ABCC1: variants seen among roughly 807,000 people sequenced by gnomAD.
ABCC1 encodes the protein ATP binding cassette subfamily C member 1 (ABCC1 blood group), also known as multidrug resistance-associated protein 1.
In ABCC1, 83 loss-of-function variants were observed where a neutral mutation model predicts 172.9. The ratio of observed to expected loss-of-function variants is 0.48; its 90% CI spans 0.40 to 0.58. The LOEUF is 0.58. Ranked by LOEUF, ABCC1 falls within the 20% of genes least tolerant of loss-of-function variation. ABCC1 has a pLI of 0.00. For missense variants in ABCC1, 1,817 were observed against 2,002.7 expected (o/e 0.91, Z 1.77); for synonymous variants, 937 against 825.2 (o/e 1.14, Z -2.32).
rs4148351 is a variant in ABCC1 at position 16,076,711 on chromosome 16, C to T, written c.1988+310C>T. Among the ~76,000 whole-genome samples, 17,142 of 152,156 alleles carry T rather than the reference C, an allele frequency of 0.11. 1,101 individuals are homozygous for T. The highest frequency in any genetic ancestry group is 0.22 in the Middle Eastern group (65 of 294). On this transcript the variant is annotated intron_variant, in intron 15 of 30. Coordinates refer to ENST00000399410, the MANE Select transcript of ABCC1 (RefSeq NM_004996.4). Reference sequence around the variant, plus strand: ...AACTGGGAAGTTCTACTTTCAGGTGCGGTGTGATCCAGGGACTCTGCCGTC... The same window carrying T: ...AACTGGGAAGTTCTACTTTCAGGTGTGGTGTGATCCAGGGACTCTGCCGTC...
intron 15 of ABCC1, 56 bp downstream of exon 15, chr16:16,076,457 T>TA: frequency 1.3e-6 from 2 of 1,500,224 alleles, no homozygotes; most frequent in Non-Finnish European, 1.8e-6. Context: ...GGGCTTTTGT[T>TA]AAACGTGGAT....
At chr16:16,037,683 G>C (rs2048809995) in intron 7 of ABCC1, among the ~76,000 whole-genome samples, 1 of 152,134 alleles carries the variant, frequency 6.6e-6, no homozygotes, top group Non-Finnish European at 1.5e-5. Context: ...TGGTGCATTG[G>C]ATTCCCCACA....
At chr16:15,998,132 G>C (rs1035180543) in intron 1 of ABCC1, among the ~76,000 whole-genome samples, 1 of 147,788 alleles carries the variant, frequency 6.8e-6, no homozygotes, top group Non-Finnish European at 1.5e-5. Context: ...CCGATACTTT[G>C]TTTCTTTGAG....
chr16:16,034,562 G>T, intron 6 of ABCC1, among the ~76,000 whole-genome samples: 1 of 144,454 alleles, frequency 6.9e-6, no homozygotes, highest in South Asian at 2.3e-4. Flanking sequence ...GTAAAGGCAT[G>T]TAGAGGCTGT....
At position 16,044,727 on chromosome 16, in the gene ABCC1, T is replaced by G. The variant is rs765691614; in HGVS notation, c.1040+47T>G. ...GTGGGCTCCATTTTCCCTCCTTGGC[T>G]TTGATCTTTCAGTTGCATCAGTCAT... On this transcript the variant is annotated intron_variant, in intron 8 of 30. Transcript: ENST00000399410. 1.9e-5 allele frequency: 29 copies of G among 1,542,948 alleles called. No homozygotes were observed. In the East Asian group the frequency reaches 5.4e-4, roughly 29 times the overall value.
intron 12 of ABCC1, among the ~76,000 whole-genome samples, chr16:16,058,692 C>A (rs1039599727): frequency 1.3e-5 from 2 of 152,060 alleles, no homozygotes; most frequent in Admixed American, 6.6e-5. Flanking sequence ...AGTCTGTCAC[C>A]CAGGTTGGAT....
At chr16:16,112,947 C>T (rs1596523155) in intron 22 of ABCC1, among the ~76,000 whole-genome samples, 1 of 152,314 alleles carries the variant, frequency 6.6e-6, no homozygotes, top group East Asian at 1.9e-4. Context: ...GATTTGGCAG[C>T]ATTGGCTCCA....
chr16:15,969,305 G>A (rs565173528), intron 1 of ABCC1, among the ~76,000 whole-genome samples: 2 of 151,754 alleles, frequency 1.3e-5, no homozygotes, highest in African/African-American at 4.8e-5. Context: ...AATTGCAGAT[G>A]AAATGTAACA....
chr16:16,103,604 G>A (rs8046950), intron 20 of ABCC1, among the ~76,000 whole-genome samples: 44,905 of 150,412 alleles, frequency 0.3, 6,868 homozygotes, highest in African/African-American at 0.4. Flanking sequence ...AAACAAAACA[G>A]CAGCAGCAGC....
intron 23 of ABCC1, 114 bp from the exon 24 acceptor site, chr16:16,121,861 A>G (rs2045172244): frequency 2.7e-6 from 3 of 1,129,716 alleles, no homozygotes; most frequent in African/African-American, 1.5e-5. Flanking sequence ...CGGCTCTAAC[A>G]TTTTGCCTCC....
At chr16:15,950,853 G>A (rs948791125) in intron 1 of ABCC1, among the ~76,000 whole-genome samples, 7 of 152,022 alleles carry the variant, frequency 4.6e-5, no homozygotes, top group African/African-American at 1.7e-4. Context: ...TGTTTTGCCG[G>A]CCTTTCCTCG....
chr16:16,060,039 C>T (rs369838184), intron 12 of ABCC1, among the ~76,000 whole-genome samples: 32 of 152,130 alleles, frequency 2.1e-4, no homozygotes, highest in Admixed American at 5.9e-4. Flanking sequence ...GCTCATGGGC[C>T]GTATGTAAAC....
intron 19 of ABCC1, among the ~76,000 whole-genome samples, chr16:16,094,890 T>C (rs1315286206): frequency 6.8e-6 from 1 of 146,628 alleles, no homozygotes; most frequent in Admixed American, 7.0e-5. Context: ...CGATCTTGGC[T>C]CACTGCAGCC....
intron 14 of ABCC1, among the ~76,000 whole-genome samples, chr16:16,072,763 C>G (rs967725487): frequency 6.6e-6 from 1 of 151,778 alleles, no homozygotes; most frequent in Non-Finnish European, 1.5e-5. Context: ...AATATTAGGC[C>G]GGGCACAGTG....
intron 1 of ABCC1, among the ~76,000 whole-genome samples, chr16:15,985,947 C>T (rs969906516): frequency 4.0e-5 from 6 of 151,876 alleles, no homozygotes; most frequent in African/African-American, 1.4e-4. Context: ...GTCCCTCCAC[C>T]CCTGCTTGTG....
chr16:15,980,203 A>G (rs1236358199), intron 1 of ABCC1, among the ~76,000 whole-genome samples: 1 of 152,138 alleles, frequency 6.6e-6, no homozygotes, highest in African/African-American at 2.4e-5. Flanking sequence ...AGTCTTTCTT[A>G]TAATATGTAT....
In ABCC1 at chr16:16,086,288, G is replaced by A. The variant is rs190142137; in HGVS notation, c.2293-536G>A. On this transcript the variant is annotated intron_variant, in intron 17 of 30. Coordinates refer to ENST00000399410, the MANE Select transcript of ABCC1 (RefSeq NM_004996.4). ...CAGTTGACAGGTGGGGCTAAACCCT[G>A]TGCCTGTGATCCCATCCTTGGTGGT... is the stretch of plus-strand genomic sequence containing the variant. Among the ~76,000 whole-genome samples the A allele has an allele frequency of 3.3e-5, 5 of 152,326 alleles. No homozygotes were observed. The East Asian group carries it at 9.6e-4, about 29-fold the overall frequency.
chr16:16,127,253 A>T (rs2045480191), intron 26 of ABCC1, among the ~76,000 whole-genome samples: 1 of 151,780 alleles, frequency 6.6e-6, no homozygotes, highest in African/African-American at 2.4e-5. Context: ...ACACGGTCTC[A>T]CTCTTGCCCG....
intron 5 of ABCC1, among the ~76,000 whole-genome samples, chr16:16,026,153 C>CG (rs2048360232): frequency 6.6e-6 from 1 of 152,004 alleles, no homozygotes; most frequent in African/African-American, 2.4e-5. Flanking sequence ...GTTTCCAGGC[C>CG]GGGTGCAGTG....
Sources: gnomAD v4.1 joint callset for allele counts (sites outside exome capture counted in the v4.1 genomes callset) on GRCh38, gnomAD v4.1.1 for gene constraint, MANE v1.5 for transcripts, NCBI Gene and HGNC (gene_info 2026-07-23, HGNC 2026-07-21) for gene names.